The following F5 variants were observed in gnomAD, a reference collection of about 807,000 sequenced individuals.
The protein encoded by F5 is activated protein c cofactor.
F5 carries 138 observed loss-of-function variants against 216.4 expected under a neutral mutation model. The ratio of observed to expected loss-of-function variants is 0.64; its 90% confidence interval spans 0.56 to 0.73. The LOEUF (loss-of-function observed/expected upper bound fraction) is 0.73. Ranked by LOEUF, F5 falls within the 30% of genes least tolerant of loss-of-function variation. The probability of loss-of-function intolerance (pLI) is 0.00; values close to 1 mark genes in which losing one functional copy is unlikely to be tolerated. For missense variants in F5, 2,403 were observed against 2,674.0 expected, an observed-to-expected ratio of 0.90 and a Z score of 2.24; for synonymous variants, 916 against 930.7, an observed-to-expected ratio of 0.98 and a Z score of 0.29.
chr1:169,518,766 T>C (rs1158249497), intron 22 of F5, among the ~76,000 whole-genome samples: 1 of 152,138 alleles, frequency 6.6e-6, no homozygotes, highest in African/African-American at 2.4e-5. Flanking sequence ...ATATCTCCAT[T>C]TTAGTACAGC....
rs571607560 is a variant in F5, at chr1:169,576,228, G to GT, written c.251-3886dup. Among the ~76,000 whole-genome samples the GT allele has an allele frequency of 2.0e-5, 3 of 152,270 alleles. No homozygotes were observed. The South Asian group carries it at 6.2e-4, about 32-fold the overall frequency. On this transcript the variant is annotated intron_variant, in intron 2 of 24. Transcript: ENST00000367797. ...AAATTTGTGTTGTTTTAGCCACTAA[G>GT]TTTGCAGTAACTGGTTACAGAAGCA...
In F5 at chr1:169,556,560, G is replaced by T. The variant is rs568195711; in HGVS notation, c.952+86C>A. The T allele has an allele frequency of 7.7e-5, 105 of 1,356,664 alleles. No individual in the cohort carries two copies. The African/African-American group carries it at 1.1e-3, about 14-fold the overall frequency. The allele number at this position is 1,356,664 out of a possible 1,614,324, so 84.0% of individuals were successfully genotyped here. A position where few individuals can be genotyped will look rare whatever the true frequency, so the allele number is the denominator to read the frequency against. On this transcript the variant is annotated intron_variant, in intron 6 of 24. Coordinates refer to ENST00000367797, the MANE Select transcript of F5 (RefSeq NM_000130.5). ...AGTTTGTCTGCGGTGCAGGTGGCTT[G>T]AAAGGGCAAGGGAGAAAGAGGGAGT...
At chr1:169,517,998 T>C (rs982101725) in intron 23 of F5, among the ~76,000 whole-genome samples, 5 of 152,148 alleles carry the variant, frequency 3.3e-5, no homozygotes, top group Non-Finnish European at 5.9e-5. Context: ...CCGCTGCCTG[T>C]TTTTTGTAAA....
At chr1:169,521,362 A>AG (rs1393179729) in intron 21 of F5, among the ~76,000 whole-genome samples, 2 of 152,170 alleles carry the variant, frequency 1.3e-5, no homozygotes, top group African/African-American at 4.8e-5. Context: ...GTATCAGTGG[A>AG]GGCCAAATGG....
intron 2 of F5, among the ~76,000 whole-genome samples, chr1:169,579,614 C>G (rs1022955300): frequency 2.0e-5 from 3 of 152,192 alleles, no homozygotes; most frequent in African/African-American, 4.8e-5. Flanking sequence ...TTTTCTTTCT[C>G]ACTGAATGGC....
Position 169,541,847 on chromosome 1 carries a change from G to T in F5, c.3243C>A (p.Asp1081Glu), listed in dbSNP as rs140281633. 1 of 1,614,128 alleles carries T rather than the reference G, an allele frequency of 6.2e-7. No homozygotes were observed. Among genetic ancestry groups the T allele is most frequent in the South Asian group, 1.1e-5 (1 of 91,084 alleles). ...HKSNETSLPT[D>E]LNQTLPSMDF... The stretch of plus-strand genomic sequence containing the variant: ...CCATAGAGGGCAATGTCTGATTGAG[G>T]TCTGTGGGAAGAGATGTTTCATTGG... Residue 1081 changes from aspartate to glutamate, a missense_variant, in exon 13 of 25, where the codon GAC becomes GAA. This residue lies in a region of F5 where 1,425 missense variants were observed against 1,554.8 expected (regional missense o/e 0.92). Coordinates refer to ENST00000367797, the MANE Select transcript of F5 (RefSeq NM_000130.5).
At position 169,541,505 on chromosome 1, in the gene F5, G is replaced by C. The variant is rs777315667; in HGVS notation, c.3585C>G (p.Leu1195=). 2.8e-5 allele frequency: 45 copies of C among 1,613,742 alleles called. No homozygotes were observed. In the South Asian group the frequency reaches 4.6e-4, roughly 17 times the overall value. Residue 1195 remains leucine, a synonymous_variant, in exon 13 of 25, where the codon CTC becomes CTG. Transcript: ENST00000367797. The stretch of plus-strand genomic sequence containing the variant: ...GGTTTGTCTGGCTGAGTTCTGGAGA[G>C]AGGGTCACCTGGCTGAGGTCTGGAG... ...VISPDLSQVT[L]SPELSQTNLS... is the part of the protein sequence containing the mutation.
chr1:169,574,098 A>G (rs1370387348), intron 2 of F5, among the ~76,000 whole-genome samples: 3 of 152,240 alleles, frequency 2.0e-5, no homozygotes, highest in Non-Finnish European at 2.9e-5. Flanking sequence ...GATTTAAAGT[A>G]TATGAGAGGA....
At position 169,523,954 on chromosome 1, in the gene F5, G is replaced by A. The variant is rs373701795; in HGVS notation, c.5789-50C>T. ...TTATTCTGAATTTTTTAAAAACCCA[G>A]CAATTTCTCAAGTGAGTTTAATCCA... On this transcript the variant is annotated intron_variant, in intron 19 of 24. Transcript: ENST00000367797. 3 of 1,495,826 alleles carry A rather than the reference G, an allele frequency of 2.0e-6. No homozygotes were observed. The African/African-American group carries it at 4.1e-5, about 21-fold the overall frequency. 92.7% of individuals were successfully genotyped at this position (1,495,826 alleles called of 1,614,324 possible).
chr1:169,562,498 C>T (rs1174196624), intron 3 of F5, among the ~76,000 whole-genome samples: 3 of 151,936 alleles, frequency 2.0e-5, no homozygotes, highest in East Asian at 1.9e-4. Context: ...GAATTTAAAA[C>T]TGCCATCTTT....
At chr1:169,537,550 C>A (rs1200126681) in intron 13 of F5, among the ~76,000 whole-genome samples, 2 of 151,936 alleles carry the variant, frequency 1.3e-5, no homozygotes, top group African/African-American at 4.8e-5. Context: ...GAAGAGACAA[C>A]CTTTGGAATG....
intron 12 of F5, among the ~76,000 whole-genome samples, chr1:169,543,687 G>A (rs115189564): frequency 1.7e-3 from 262 of 152,304 alleles, no homozygotes; most frequent in African/African-American, 6.1e-3. Context: ...AAGATTTCTT[G>A]GTGAGTCTCC....
chr1:169,523,042 T>C (rs1419118256), intron 21 of F5, among the ~76,000 whole-genome samples, 155 bp downstream of exon 21: 1 of 152,222 alleles, frequency 6.6e-6, no homozygotes, highest in African/African-American at 2.4e-5. Context: ...AGACCTATCA[T>C]ATTACTGCTT....
chr1:169,547,070 G>A (rs1433478463), intron 10 of F5, among the ~76,000 whole-genome samples: 1 of 152,152 alleles, frequency 6.6e-6, no homozygotes, highest in Non-Finnish European at 1.5e-5. Flanking sequence ...AGGGGCCGAG[G>A]CAGGAGAATC....
intron 14 of F5, among the ~76,000 whole-genome samples, chr1:169,535,973 T>C (rs561673048): frequency 2.7e-4 from 41 of 152,184 alleles, no homozygotes; most frequent in Non-Finnish European, 5.1e-4. Flanking sequence ...AAGCAAGTTA[T>C]AATCGTGGGT....
At position 169,525,924 on chromosome 1, in the gene F5, G is replaced by A. The variant is rs367819569; in HGVS notation, c.5693C>T (p.Thr1898Met). The part of the protein sequence containing the change: ...VGENQRAGMQ[T>M]PFLIMDRDCR... ...ACCTCTGTCCATGATAAGAAATGGC[G>A]TTTGCATCCCTGCTCTCTGGTTTTC... Residue 1898 changes from threonine (T) to methionine (M), a missense_variant, in exon 18 of 25, where the codon ACG becomes ATG. Transcript: ENST00000367797. 1.7e-5 allele frequency: 28 copies of A among 1,612,778 alleles called. No individual in the cohort carries two copies. The highest frequency in any genetic ancestry group is 5.3e-5 in the African/African-American group (4 of 74,826).
chr1:169,533,038 C>T (rs1221079316), intron 14 of F5, among the ~76,000 whole-genome samples: 1 of 151,980 alleles, frequency 6.6e-6, no homozygotes, highest in Admixed American at 6.6e-5. Flanking sequence ...ACACATAGGC[C>T]AATGAAACAG....
chr1:169,527,562 C>T (rs184617992), intron 17 of F5, among the ~76,000 whole-genome samples: 107 of 152,242 alleles, frequency 7.0e-4, no homozygotes, highest in African/African-American at 1.9e-3. Context: ...AATCTGGAAA[C>T]CCTCCCAGCA....
intron 3 of F5, among the ~76,000 whole-genome samples, chr1:169,571,907 C>T (rs895374333): frequency 6.6e-6 from 1 of 152,118 alleles, no homozygotes; most frequent in Non-Finnish European, 1.5e-5. Context: ...TACTGACCCC[C>T]GCCTTAAACC....
Sources: allele counts gnomAD v4.1 joint callset (sites outside exome capture counted in the v4.1 genomes callset), GRCh38; gene constraint gnomAD v4.1.1; regional missense constraint gnomAD v4.1.1; transcripts MANE v1.5; gene names NCBI Gene and HGNC (gene_info 2026-07-23, HGNC 2026-07-21).